SUMF1: variants seen among roughly 807,000 people sequenced by gnomAD.
The protein encoded by SUMF1 is formylglycine-generating enzyme.
Under a neutral mutation model 47.6 loss-of-function variants are expected in SUMF1, and 48 were observed. That is an observed-to-expected ratio of 1.01 (90% CI 0.80 to 1.28). SUMF1 has a LOEUF of 1.28. Ranked by LOEUF, SUMF1 falls within the 50% of genes most tolerant of loss-of-function variation. The probability of loss-of-function intolerance (pLI) is 0.00; values close to 1 mark genes in which losing one functional copy is unlikely to be tolerated. For synonymous variants in SUMF1, 230 were observed against 192.1 expected (o/e 1.20, Z -1.63); for missense variants, 571 against 485.4 (o/e 1.18, Z -1.66).
chr3:4,115,906 G>T lies in SUMF1; in HGVS notation c.1015-47161C>A, dbSNP rs781344035. Among the ~76,000 whole-genome samples, 12 of 152,104 alleles carry T rather than the reference G, an allele frequency of 7.9e-5. 1 individual carries two copies. The highest frequency in any genetic ancestry group is 1.6e-4 in the Non-Finnish European group (11 of 68,034). On this transcript the variant is annotated intron_variant and NMD_transcript_variant, in intron 8 of 12. Coordinates refer to the SUMF1 transcript ENST00000448413. ...GGGCTGGCAGATTTTCTACTGTAGA[G>T]CTCTATCAGTGAAAACAGTTCTGGT... is the stretch of plus-strand genomic sequence containing the variant.
chr3:4,266,278 T>C (rs1431086023), intron 8 of SUMF1, among the ~76,000 whole-genome samples: 1 of 152,204 alleles, frequency 6.6e-6, no homozygotes, highest in Non-Finnish European at 1.5e-5. Flanking sequence ...AAGTCATTGG[T>C]AGCTTGATGG....
intron 8 of SUMF1, chr3:4,316,774 CA>C (rs868814379): frequency 6.4e-7 from 1 of 1,550,532 alleles, no homozygotes; most frequent in South Asian, 1.2e-5. Flanking sequence ...ATCTTGCACC[CA>C]AAAAAGGTCA....
At chr3:4,317,533 T>A (rs73809508) in intron 8 of SUMF1, 2,213 of 211,930 alleles carry the variant, frequency 0.01, 56 homozygotes, top group African/African-American at 0.048. Flanking sequence ...AATAATTTTT[T>A]AAAAAAAGAT....
intron 1 of SUMF1, 46 bp downstream of exon 1, chr3:4,466,930 A>G: frequency 3.8e-6 from 6 of 1,596,630 alleles, no homozygotes; most frequent in Non-Finnish European, 5.1e-6. Flanking sequence ...AACCCCGTCC[A>G]GGAACCGAGC....
intron 8 of SUMF1, among the ~76,000 whole-genome samples, chr3:4,224,270 A>T (rs1032803504): frequency 3.3e-5 from 5 of 152,102 alleles, no homozygotes; most frequent in Middle Eastern, 3.2e-3. Context: ...GAAAGGGGAG[A>T]AAAAGGCAAC....
chr3:4,080,499 AC>A (rs1287974737), intron 8 of SUMF1, among the ~76,000 whole-genome samples: 3 of 152,068 alleles, frequency 2.0e-5, no homozygotes, highest in Non-Finnish European at 2.9e-5. Flanking sequence ...GTACCTGGGA[AC>A]CCTGCTTCAA....
chr3:4,439,192 T>C (rs918326261), intron 3 of SUMF1, among the ~76,000 whole-genome samples: 2 of 152,162 alleles, frequency 1.3e-5, no homozygotes, highest in Admixed American at 1.3e-4. Context: ...TTTTAAACTA[T>C]GTATTAAACT....
intron 3 of SUMF1, among the ~76,000 whole-genome samples, chr3:4,431,815 C>T (rs1702241925): frequency 6.6e-6 from 1 of 152,144 alleles, no homozygotes; most frequent in Non-Finnish European, 1.5e-5. Context: ...AGTCCTAAGT[C>T]AGTATTATCC....
chr3:4,462,868 A>C (rs1301644105), intron 1 of SUMF1, among the ~76,000 whole-genome samples: 1 of 152,204 alleles, frequency 6.6e-6, no homozygotes, highest in Admixed American at 6.5e-5. Context: ...TCATAGATGA[A>C]ATGACATTCA....
intron 8 of SUMF1, among the ~76,000 whole-genome samples, chr3:4,110,129 G>A (rs1297463860): frequency 1.3e-5 from 2 of 152,130 alleles, no homozygotes; most frequent in East Asian, 3.9e-4. Flanking sequence ...CTGTTTGTTA[G>A]TTTTCCTTCT....
chr3:4,284,193 T>C (rs1697583887), intron 8 of SUMF1, among the ~76,000 whole-genome samples: 1 of 151,562 alleles, frequency 6.6e-6, no homozygotes, highest in Non-Finnish European at 1.5e-5. Flanking sequence ...GGCAGGCAGA[T>C]AGCTTGAGCC....
chr3:4,387,581 A>G (rs944548226), intron 7 of SUMF1, among the ~76,000 whole-genome samples: 1 of 151,586 alleles, frequency 6.6e-6, no homozygotes, highest in African/African-American at 2.4e-5. Context: ...TCTGTTGTCT[A>G]TTTCATTGAT....
At chr3:4,358,993 G>C (rs1179046514), downstream of SUMF1, among the ~76,000 whole-genome samples, 1 of 152,170 alleles carries the variant, frequency 6.6e-6, no homozygotes, top group Non-Finnish European at 1.5e-5. Flanking sequence ...TAGTGCTGTG[G>C]TACAATGTAC....
At chr3:4,380,103 C>G (rs1700456230) in intron 7 of SUMF1, among the ~76,000 whole-genome samples, 3 of 151,944 alleles carry the variant, frequency 2.0e-5, no homozygotes. Context: ...GCTGCAGGGC[C>G]CTACCACCTC....
At chr3:4,076,291 T>C (rs1005850019) in intron 8 of SUMF1, among the ~76,000 whole-genome samples, 22 of 152,258 alleles carry the variant, frequency 1.4e-4, no homozygotes, top group Admixed American at 5.2e-4. Context: ...GCTAGGCATA[T>C]GTAGAAAGCT....
intron 7 of SUMF1, among the ~76,000 whole-genome samples, chr3:4,385,550 C>T (rs1453273093): frequency 1.3e-5 from 2 of 151,984 alleles, no homozygotes; most frequent in Non-Finnish European, 1.5e-5. Flanking sequence ...ATATGGGTTG[C>T]GAATATTTTC....
intron 8 of SUMF1, among the ~76,000 whole-genome samples, chr3:4,168,820 C>A (rs931303): frequency 0.73 from 110,602 of 152,008 alleles, 40,428 homozygotes; most frequent in Admixed American, 0.79. Context: ...TGCTGAACAC[C>A]CAATAAGAGC....
intron 8 of SUMF1, among the ~76,000 whole-genome samples, chr3:4,294,344 T>A (rs984766984): frequency 3.9e-5 from 6 of 152,150 alleles, no homozygotes; most frequent in Admixed American, 1.3e-4. Flanking sequence ...AGAGGGATCA[T>A]CTGAGCCCTG....
At chr3:4,281,296 A>G (rs1697524626) in intron 8 of SUMF1, among the ~76,000 whole-genome samples, 1 of 152,152 alleles carries the variant, frequency 6.6e-6, no homozygotes, top group South Asian at 2.1e-4. Flanking sequence ...TTGTGATGTT[A>G]TTATAGCTTT....
Sources: gnomAD v4.1 joint callset for allele counts (sites outside exome capture counted in the v4.1 genomes callset) on GRCh38, gnomAD v4.1.1 for gene constraint, MANE v1.5 for transcripts, NCBI Gene and HGNC (gene_info 2026-07-23, HGNC 2026-07-21) for gene names.